CD63: variants seen among roughly 807,000 people sequenced by gnomAD.
CD63 encodes CD63 antigen.
In CD63, 16 loss-of-function variants were observed where a neutral mutation model predicts 29.2. That is an observed-to-expected ratio of 0.55 (90% CI 0.37 to 0.83). The LOEUF is 0.83. Ranked by LOEUF, CD63 falls within the 40% of genes least tolerant of loss-of-function variation. CD63 has a pLI of 0.00. For synonymous variants in CD63, 118 were observed against 111.7 expected, an observed-to-expected ratio of 1.06 and a Z score of -0.36; for missense variants, 251 against 297.3, an observed-to-expected ratio of 0.84 and a Z score of 1.15.
downstream of CD63, chr12:55,723,553 TTTTTTA>T: frequency 3.1e-6 from 1 of 323,038 alleles, no homozygotes; most frequent in East Asian, 8.5e-5. Context: ...GATAATGGTT[TTTTTTA>T]TTTTTAAATG....
chr12:55,727,889 G>C (rs1392521763), intron 2 of CD63: 2 of 1,095,074 alleles, frequency 1.8e-6, no homozygotes, highest in Non-Finnish European at 2.2e-6. Context: ...GGAGGGAAAG[G>C]GGGAGAGGGG....
chr12:55,725,580 C>T lies in CD63; in HGVS notation c.698G>A (p.Ser233Asn). ...FACCLVKSIR[S>N]GYEVM is the part of the protein sequence containing the mutation. ...AGACCCCTACATCACCTCGTAGCCA[C>T]TTCTGATACTCTTCACGAGGCAGCA... Residue 233 changes from serine (S) to asparagine (N), a missense_variant, in exon 8 of 8, where the codon AGT (serine) becomes AAT (asparagine). Physicochemically the swap from Ser to Asn is conservative, Grantham distance 46. Transcript: ENST00000257857. The T allele has an allele frequency of 6.2e-7, 1 of 1,614,094 alleles. No homozygotes were observed. The highest frequency in any genetic ancestry group is 8.5e-7 in the Non-Finnish European group (1 of 1,180,002).
At chr12:55,724,353 G>T (rs749836133), downstream of CD63, 2 of 1,614,074 alleles carry the variant, frequency 1.2e-6, no homozygotes, top group African/African-American at 2.7e-5. Context: ...TCATGAACCT[G>T]ATCTGTGACC....
chr12:55,725,181 G>A (rs3138133), downstream of CD63: 23 of 296,550 alleles, frequency 7.8e-5, no homozygotes, highest in African/African-American at 4.2e-4. Context: ...CTGGGCTCTC[G>A]CAGGTGGGAC....
At chr12:55,729,278 A>G (rs1877755920), upstream of CD63, 2 of 308,534 alleles carry the variant, frequency 6.5e-6, no homozygotes, top group Non-Finnish European at 9.5e-6. Context: ...CTCTGGCGCT[A>G]TACCTCCGTG....
At chr12:55,723,736 C>A (rs1305723513), downstream of CD63, 5 of 844,170 alleles carry the variant, frequency 5.9e-6, no homozygotes, top group South Asian at 2.8e-5. Flanking sequence ...CCCTCTACCC[C>A]ACTTGACCCT....
At chr12:55,726,549 T>A in intron 5 of CD63, 151 bp downstream of exon 5, 1 of 682,166 alleles carries the variant, frequency 1.5e-6, no homozygotes, top group Non-Finnish European at 2.5e-6. Flanking sequence ...TTCACCACGT[T>A]GGCCAGGCTA....
chr12:55,727,053 G>C, intron 3 of CD63, 89 bp from the exon 4 acceptor site: 1 of 1,564,724 alleles, frequency 6.4e-7, no homozygotes, highest in South Asian at 1.1e-5. Context: ...CACTCACAAA[G>C]GTCTTCCTCA....
rs1447522386 is a variant in CD63, at chr12:55,728,647, G to A, written c.-11-295C>T. ...CCGACCCTCGGCCCGCCAGTCTCCG[G>A]GCGTCAAACACCCTTTCCCCACCCA... On this transcript the variant is annotated intron_variant, in intron 1 of 7. Coordinates refer to ENST00000257857, the MANE Select transcript of CD63 (RefSeq NM_001780.6). The surrounding 1 kb of genome is among the most constrained non-coding windows in gnomAD (Gnocchi z 4.8). 2.3e-6 allele frequency: 3 copies of A among 1,283,268 alleles called. No homozygotes were observed. Among genetic ancestry groups the A allele is most frequent in the Non-Finnish European group, 3.0e-6 (3 of 1,010,684 alleles). 79.5% of individuals were successfully genotyped at this position (1,283,268 alleles called of 1,614,324 possible).
intron 7 of CD63, 72 bp downstream of exon 7, chr12:55,725,741 C>T (rs1877245574): frequency 6.5e-7 from 1 of 1,537,698 alleles, no homozygotes; most frequent in East Asian, 2.2e-5. Flanking sequence ...GTTCAGCACC[C>T]TCCTCCCCTC....
rs1486449842 is a variant in CD63 at position 55,726,775 on chromosome 12, GTTA to G, written c.348_350del (p.Asn118del). On this transcript the variant is annotated inframe_deletion, in exon 5 of 8. Transcript: ENST00000257857. Reference sequence around the variant, plus strand: ...AATTCTCCATCTGCTGCCGGAAGTTGTTATTAAACTCTGACATCACCTGAGAGT... The same window carrying G: ...AATTCTCCATCTGCTGCCGGAAGTTGTTAAACTCTGACATCACCTGAGAGT... 1 of 1,612,876 alleles carries G rather than the reference GTTA, an allele frequency of 6.2e-7. No individual in the cohort carries two copies. Among genetic ancestry groups the G allele is most frequent in the South Asian group, 1.1e-5 (1 of 91,082 alleles).
chr12:55,726,716 T>C lies in CD63; in HGVS notation c.410A>G (p.Asp137Gly), dbSNP rs753562138. 2 of 1,613,670 alleles carry C rather than the reference T, an allele frequency of 1.2e-6. No individual in the cohort carries two copies. Among genetic ancestry groups the C allele is most frequent in the South Asian group, 1.1e-5 (1 of 91,076 alleles). Residue 137 changes from aspartate (D) to glycine (G), a missense_variant, in exon 5 of 8, where the codon GAC becomes GGC. Asp to Gly is a moderately conservative substitution (Grantham distance 94, BLOSUM62 -1). Transcript: ENST00000257857. ...CCCACTCACATCTGCCTGCATCCTGTCCAGGATCGAAGCAGTGTGGTTGTT... is the reference window on the plus strand; with the variant it reads ...CCCACTCACATCTGCCTGCATCCTGCCCAGGATCGAAGCAGTGTGGTTGTT... Reference protein sequence around the residue: ...PKNNHTASILDRMQADFKCCG... With the variant: ...PKNNHTASILGRMQADFKCCG...
In CD63 at chr12:55,726,107, A is replaced by G. The variant is rs752874108; in HGVS notation, c.567+14T>C. 3 of 1,613,606 alleles carry G rather than the reference A, an allele frequency of 1.9e-6. No individual in the cohort carries two copies. The highest frequency in any genetic ancestry group is 1.1e-5 in the South Asian group (1 of 91,058). ...CCCAGGTTTCCCAAGTCCCATACAC[A>G]GTCTCCTCCCTACCTCCTTATGGAT... On this transcript the variant is annotated intron_variant, in intron 6 of 7. Coordinates refer to ENST00000257857, the MANE Select transcript of CD63 (RefSeq NM_001780.6).
chr12:55,728,691 C>A lies in CD63; in HGVS notation c.-12+262G>T. 8.8e-7 allele frequency: 1 copy of A among 1,137,752 alleles called. No individual in the cohort carries two copies. The allele number at this position is 1,137,752 out of a possible 1,614,324, so 70.5% of individuals were successfully genotyped here. On this transcript the variant is annotated intron_variant, in intron 1 of 7. Transcript: ENST00000257857. This position sits in a 1 kb window ranked among gnomAD's most constrained non-coding sequence, Gnocchi z 4.8. ...CCACCCAACACCCAGCCTGGAGAAA[C>A]GGTCTTCAGCCCAACCCCGACCCCC...
chr12:55,726,831 T>G (rs1375474698), intron 4 of CD63, 36 bp from the exon 5 acceptor site: 1 of 1,607,486 alleles, frequency 6.2e-7, no homozygotes, highest in Admixed American at 1.7e-5. Context: ...CAGTCAGAAT[T>G]CAAGCACCAG....
At chr12:55,723,827 C>T, downstream of CD63, 1 of 1,598,792 alleles carries the variant, frequency 6.3e-7, no homozygotes, top group South Asian at 1.1e-5. Context: ...ACCCATGTCC[C>T]TCAAAGTCCC....
At chr12:55,724,821 A>C (rs1388319098), downstream of CD63, 11 of 529,674 alleles carry the variant, frequency 2.1e-5, no homozygotes, top group East Asian at 3.5e-4. Flanking sequence ...ACTGCCTCAC[A>C]TCTACAGCTG....
intron 7 of CD63, 64 bp from the exon 8 acceptor site, chr12:55,725,690 G>C (rs1011529468): frequency 1.1e-4 from 176 of 1,533,694 alleles, no homozygotes; most frequent in Admixed American, 2.3e-4. Context: ...TCAGACCCAT[G>C]CAAGAGACTC....
At chr12:55,725,161 C>A (rs1877164422), downstream of CD63, among the ~76,000 whole-genome samples, 1 of 152,158 alleles carries the variant, frequency 6.6e-6, no homozygotes, top group Admixed American at 6.5e-5. Flanking sequence ...ATGTCCAAGG[C>A]AGATGGGGGC....
Sources: gnomAD v4.1 joint callset for allele counts (sites outside exome capture counted in the v4.1 genomes callset) on GRCh38, gnomAD v4.1.1 for gene constraint, Gnocchi (gnomAD v3.1) non-coding constraint, MANE v1.5 for transcripts, NCBI Gene and HGNC (gene_info 2026-07-23, HGNC 2026-07-21) for gene names.